Variants in SLC17A6 observed in about 807,000 individuals in gnomAD.
The protein encoded by SLC17A6 is vesicular glutamate transporter 2.
A neutral mutation model predicts 67.1 loss-of-function variants in SLC17A6; 35 were observed. The observed-to-expected ratio is 0.52, with a 90% CI of 0.40 to 0.69. The LOEUF is 0.69. SLC17A6 is among the 30% of genes least tolerant of loss of function. SLC17A6 has a pLI of 0.00. For synonymous variants in SLC17A6, 285 were observed against 252.3 expected (o/e 1.13, Z -1.23); for missense variants, 588 against 723.9 (o/e 0.81, Z 2.15).
At chr11:22,350,274 A>G (rs142711775) in intron 3 of SLC17A6, among the ~76,000 whole-genome samples, 6 of 152,186 alleles carry the variant, frequency 3.9e-5, no homozygotes, top group Non-Finnish European at 7.3e-5. Context: ...CTATAGTGGT[A>G]TAGAGCTTCC....
At chr11:22,343,439 A>G in intron 3 of SLC17A6, 74 bp downstream of exon 3, 1 of 1,296,714 alleles carries the variant, frequency 7.7e-7, no homozygotes, top group South Asian at 1.3e-5. Flanking sequence ...AAGCTGGAGC[A>G]GAGACAACAG....
In SLC17A6 at chr11:22,370,059, G is replaced by A. The variant is rs779416670; in HGVS notation, c.912G>A (p.Arg304=). Residue 304 remains arginine, a synonymous_variant, in exon 8 of 12, where the codon AGG becomes AGA. Coordinates refer to ENST00000263160, the MANE Select transcript of SLC17A6 (RefSeq NM_020346.3). ...GAMEKFKTPW[R]KFFTSMPVYA... Reference sequence around the variant, plus strand: ...TTCAGAAATTCAAGACTCCATGGAGGAAGTTTTTTACATCCATGCCAGTCT... The same window carrying A: ...TTCAGAAATTCAAGACTCCATGGAGAAAGTTTTTTACATCCATGCCAGTCT... The A allele has an allele frequency of 1.0e-5, 16 of 1,607,954 alleles. No homozygotes were observed. The highest frequency in any genetic ancestry group is 2.7e-5 in the African/African-American group (2 of 74,554).
At chr11:22,352,744 G>A (rs1431365082) in intron 3 of SLC17A6, among the ~76,000 whole-genome samples, 6 of 152,162 alleles carry the variant, frequency 3.9e-5, no homozygotes, top group African/African-American at 1.4e-4. Context: ...AGTTGAAAAA[G>A]AGGTGTGTTT....
At chr11:22,354,793 G>A (rs529032052) in intron 3 of SLC17A6, among the ~76,000 whole-genome samples, 24 of 152,282 alleles carry the variant, frequency 1.6e-4, no homozygotes, top group African/African-American at 5.1e-4. Context: ...TGGTTACACC[G>A]TCTGTGAAGT....
At chr11:22,356,945 C>T (rs971078772) in intron 3 of SLC17A6, among the ~76,000 whole-genome samples, 1 of 152,102 alleles carries the variant, frequency 6.6e-6, no homozygotes, top group Non-Finnish European at 1.5e-5. Flanking sequence ...AATCTTTTGG[C>T]ATTTTATTTC....
intron 3 of SLC17A6, among the ~76,000 whole-genome samples, chr11:22,356,056 C>T (rs1564981721): frequency 1.3e-5 from 2 of 152,108 alleles, no homozygotes; most frequent in South Asian, 4.2e-4. Flanking sequence ...GTCAGAGAGC[C>T]CTGGATTTAA....
intron 1 of SLC17A6, among the ~76,000 whole-genome samples, chr11:22,341,063 T>C (rs1417761826): frequency 1.3e-5 from 2 of 152,182 alleles, no homozygotes; most frequent in Non-Finnish European, 2.9e-5. Flanking sequence ...GCGGAGCAGC[T>C]CTCTGGTGCT....
intron 1 of SLC17A6, among the ~76,000 whole-genome samples, chr11:22,340,495 A>G (rs1205150254): frequency 6.6e-6 from 1 of 152,206 alleles, no homozygotes; most frequent in Non-Finnish European, 1.5e-5. Context: ...TTGAAATCTT[A>G]TGAAACACTA....
intron 3 of SLC17A6, among the ~76,000 whole-genome samples, chr11:22,358,451 C>T (rs1198698156): frequency 1.3e-5 from 2 of 152,156 alleles, no homozygotes; most frequent in Non-Finnish European, 1.5e-5. Flanking sequence ...CCTCAGCCTC[C>T]TGAGTAGCTG....
chr11:22,343,201 C>T (rs755193555), intron 2 of SLC17A6, 46 bp from the exon 3 acceptor site: 58 of 1,500,710 alleles, frequency 3.9e-5, no homozygotes, highest in Non-Finnish European at 5.3e-5. Flanking sequence ...GCCTTTGGTA[C>T]TGACTCTACT....
intron 3 of SLC17A6, among the ~76,000 whole-genome samples, chr11:22,357,551 C>T (rs11026530): frequency 0.11 from 16,723 of 152,036 alleles, 1,415 homozygotes; most frequent in East Asian, 0.46. Context: ...CCACAACAAA[C>T]GGTTATCTAC....
intron 7 of SLC17A6, among the ~76,000 whole-genome samples, chr11:22,368,145 C>T (rs1472312434): frequency 1.3e-5 from 2 of 151,968 alleles, no homozygotes; most frequent in Admixed American, 6.6e-5. Flanking sequence ...ATGATATTCT[C>T]CCTCACTATC....
intron 6 of SLC17A6, among the ~76,000 whole-genome samples, chr11:22,363,572 C>T (rs1197134914): frequency 6.6e-6 from 1 of 152,138 alleles, no homozygotes; most frequent in Non-Finnish European, 1.5e-5. Flanking sequence ...TTAATGAAGT[C>T]ATGTGGTAGA....
intron 3 of SLC17A6, among the ~76,000 whole-genome samples, chr11:22,346,047 A>G (rs918874709): frequency 2.0e-5 from 3 of 152,208 alleles, no homozygotes; most frequent in Non-Finnish European, 2.9e-5. Context: ...CCAATCTTCC[A>G]CTTATGAGCA....
intron 2 of SLC17A6, 151 bp downstream of exon 2, chr11:22,341,931 C>G: frequency 8.5e-7 from 1 of 1,177,116 alleles, no homozygotes; most frequent in African/African-American, 1.5e-5. Flanking sequence ...CTAGAATGGA[C>G]CCCAGTAGTG....
At chr11:22,376,202 G>GTCAAATAT (rs1856231140) in intron 10 of SLC17A6, 110 bp downstream of exon 10, 2 of 609,138 alleles carry the variant, frequency 3.3e-6, no homozygotes, top group Non-Finnish European at 5.4e-6. Flanking sequence ...TATTCTATAT[G>GTCAAATAT]TTGAATAATA....
chr11:22,351,813 C>T (rs987151699), intron 3 of SLC17A6, among the ~76,000 whole-genome samples: 18 of 152,058 alleles, frequency 1.2e-4, no homozygotes, highest in African/African-American at 4.3e-4. Flanking sequence ...TAATGATGAA[C>T]ATCATTTTCA....
chr11:22,353,470 C>G (rs1480033127), intron 3 of SLC17A6, among the ~76,000 whole-genome samples: 1 of 151,846 alleles, frequency 6.6e-6, no homozygotes, highest in Non-Finnish European at 1.5e-5. Flanking sequence ...GTAATGACAA[C>G]TTGCTCAAAG....
At chr11:22,343,448 A>G (rs1855842401) in intron 3 of SLC17A6, 83 bp downstream of exon 3, 1 of 1,208,478 alleles carries the variant, frequency 8.3e-7, no homozygotes, top group East Asian at 2.3e-5. Context: ...CAGAGACAAC[A>G]GCCCAGAGGG....
Sources: allele counts gnomAD v4.1 joint callset (sites outside exome capture counted in the v4.1 genomes callset), GRCh38; gene constraint gnomAD v4.1.1; transcripts MANE v1.5; gene names NCBI Gene and HGNC (gene_info 2026-07-23, HGNC 2026-07-21).